The following VPS41 variants were observed in gnomAD, a reference collection of about 807,000 sequenced individuals.
VPS41 encodes the protein vacuolar protein sorting-associated protein 41 homolog.
VPS41 carries 85 observed loss-of-function variants against 130.9 expected under a neutral mutation model. The observed-to-expected ratio is 0.65, with a 90% confidence interval of 0.55 to 0.78. VPS41 has a LOEUF of 0.78. VPS41 is among the 30% of genes least tolerant of loss of function. The pLI is 0.00. For synonymous variants in VPS41, 335 were observed against 332.9 expected (o/e 1.01, Z -0.07); for missense variants, 874 against 1,018.7 (o/e 0.86, Z 1.93).
chr7:38,884,781 C>T (rs1016658479), intron 2 of VPS41, among the ~76,000 whole-genome samples: 4 of 152,176 alleles, frequency 2.6e-5, no homozygotes, highest in Non-Finnish European at 5.9e-5. Flanking sequence ...TATTTAGTTG[C>T]GTTCACAAAT....
At chr7:38,765,147 A>G (rs1784012285) in intron 16 of VPS41, among the ~76,000 whole-genome samples, 2 of 152,262 alleles carry the variant, frequency 1.3e-5, no homozygotes, top group African/African-American at 4.8e-5. Context: ...ATTTAAAAAA[A>G]GAAACATCAA....
intron 25 of VPS41, among the ~76,000 whole-genome samples, chr7:38,740,566 T>G (rs932433039): frequency 3.3e-5 from 5 of 152,192 alleles, no homozygotes; most frequent in Non-Finnish European, 7.3e-5. Flanking sequence ...CAAATCCCAC[T>G]GGAAATATAT....
intron 25 of VPS41, among the ~76,000 whole-genome samples, chr7:38,729,520 C>T (rs1456117186): frequency 6.6e-6 from 1 of 152,152 alleles, no homozygotes; most frequent in Non-Finnish European, 1.5e-5. Context: ...TCATAAGAGT[C>T]CTTTTCTTTA....
intron 10 of VPS41, among the ~76,000 whole-genome samples, chr7:38,784,943 G>A (rs1465725309): frequency 6.6e-6 from 1 of 152,138 alleles, no homozygotes; most frequent in Non-Finnish European, 1.5e-5. Flanking sequence ...GTTAAATAAG[G>A]TGACATCCCA....
intron 7 of VPS41, among the ~76,000 whole-genome samples, chr7:38,803,337 C>G (rs929819139): frequency 6.6e-6 from 1 of 152,212 alleles, no homozygotes; most frequent in African/African-American, 2.4e-5. Flanking sequence ...AATCACTTGG[C>G]TCCTTCAGGC....
At chr7:38,876,317 T>A (rs1300338729) in intron 2 of VPS41, among the ~76,000 whole-genome samples, 1 of 152,206 alleles carries the variant, frequency 6.6e-6, no homozygotes, top group Non-Finnish European at 1.5e-5. Flanking sequence ...AAAGAAATGT[T>A]CTCACAATGT....
At chr7:38,830,676 A>T (rs1307161183) in intron 4 of VPS41, among the ~76,000 whole-genome samples, 1 of 152,216 alleles carries the variant, frequency 6.6e-6, no homozygotes. Context: ...CCCAGACCTC[A>T]AAAAGGCCAC....
chr7:38,748,150 G>A (rs112667724), intron 22 of VPS41, among the ~76,000 whole-genome samples: 7 of 152,338 alleles, frequency 4.6e-5, no homozygotes, highest in African/African-American at 1.7e-4. Flanking sequence ...CTGGACCATG[G>A]TGCTCCCTCT....
intron 4 of VPS41, among the ~76,000 whole-genome samples, chr7:38,848,969 A>AT (rs540564447): frequency 1.3e-5 from 2 of 152,016 alleles, no homozygotes; most frequent in South Asian, 4.2e-4. Flanking sequence ...TTTTCGTGTA[A>AT]TTTTTTTTCT....
intron 2 of VPS41, among the ~76,000 whole-genome samples, chr7:38,874,687 A>G (rs1482743480): frequency 6.6e-6 from 1 of 152,152 alleles, no homozygotes; most frequent in South Asian, 2.1e-4. Flanking sequence ...CACACACAAA[A>G]AAAACCTTTC....
chr7:38,802,385 C>T (rs1784746552), intron 7 of VPS41, among the ~76,000 whole-genome samples: 1 of 152,138 alleles, frequency 6.6e-6, no homozygotes, highest in Admixed American at 6.5e-5. Context: ...CTACTTTATT[C>T]TTCACTCATG....
At chr7:38,771,340 T>C (rs1472957866) in intron 13 of VPS41, 86 bp from the exon 14 acceptor site, 1 of 925,176 alleles carries the variant, frequency 1.1e-6, no homozygotes, top group Admixed American at 2.2e-5. Context: ...GAGAGAAAGA[T>C]ATTGAGGTTA....
intron 7 of VPS41, among the ~76,000 whole-genome samples, chr7:38,800,292 T>C (rs989273492): frequency 3.3e-5 from 5 of 152,214 alleles, no homozygotes; most frequent in Non-Finnish European, 4.4e-5. Flanking sequence ...TTCAATACAA[T>C]GTCCTTAAAA....
intron 7 of VPS41, among the ~76,000 whole-genome samples, chr7:38,816,950 C>T (rs979699903): frequency 6.6e-6 from 1 of 152,126 alleles, no homozygotes; most frequent in African/African-American, 2.4e-5. Context: ...ACTCGTTGCC[C>T]AGGCTGGTTT....
Position 38,830,346 on chromosome 7 carries a change from A to G in VPS41, c.247-18T>C, listed in dbSNP as rs758919310. On this transcript the variant is annotated intron_variant, in intron 4 of 28. Coordinates refer to ENST00000310301, the MANE Select transcript of VPS41 (RefSeq NM_014396.4). Reference sequence around the variant, plus strand: ...ACAGGACTCTAAAAAGAAAAAGACAAAAAGATGTGTAAAACTTCAGGAAAA... The same window carrying G: ...ACAGGACTCTAAAAAGAAAAAGACAGAAAGATGTGTAAAACTTCAGGAAAA... 11 of 1,512,470 alleles carry G rather than the reference A, an allele frequency of 7.3e-6. No individual in the cohort carries two copies. Among genetic ancestry groups the G allele is most frequent in the Non-Finnish European group, 1.0e-5 (11 of 1,087,176 alleles). The allele number at this position is 1,512,470 out of a possible 1,614,324, so 93.7% of individuals were successfully genotyped here.
chr7:38,797,089 T>C (rs1361140633), intron 7 of VPS41: 1 of 437,338 alleles, frequency 2.3e-6, no homozygotes. Context: ...TTGAAGTTAC[T>C]ACAAGGCCAA....
At chr7:38,860,411 C>T (rs1786080313) in intron 4 of VPS41, among the ~76,000 whole-genome samples, 1 of 152,042 alleles carries the variant, frequency 6.6e-6, no homozygotes, top group Admixed American at 6.6e-5. Flanking sequence ...ACAGTATTTT[C>T]AGCACTCCAG....
rs2116102196 is a variant in VPS41, at chr7:38,817,816, C to A, written c.450+1G>T. On this transcript the variant is annotated splice_donor_variant, in intron 7 of 28. Transcript: ENST00000310301. LOFTEE classifies it high-confidence loss of function. ...TCAAGGTAGAGACACACAGCACTTA[C>A]CTTCTTCCCTCCGGTCACAAACTGC... 1 of 1,613,566 alleles carries A rather than the reference C, an allele frequency of 6.2e-7. No individual in the cohort carries two copies. The highest frequency in any genetic ancestry group is 1.1e-5 in the South Asian group (1 of 91,078).
intron 12 of VPS41, 145 bp from the exon 13 acceptor site, chr7:38,772,782 G>C (rs113534627): frequency 5.6e-5 from 30 of 535,674 alleles, no homozygotes; most frequent in African/African-American, 4.8e-4. Flanking sequence ...TCTGCTGGAA[G>C]GTAAGTGTGG....
Sources: gnomAD v4.1 joint callset for allele counts (sites outside exome capture counted in the v4.1 genomes callset) on GRCh38, gnomAD v4.1.1 for gene constraint, MANE v1.5 for transcripts, NCBI Gene and HGNC (gene_info 2026-07-23, HGNC 2026-07-21) for gene names.